SYNJ1: variants seen among roughly 807,000 people sequenced by gnomAD.
SYNJ1 encodes the protein synaptojanin 1.
Under a neutral mutation model 168.2 loss-of-function variants are expected in SYNJ1, and 78 were observed. The ratio of observed to expected loss-of-function variants is 0.46; its 90% confidence interval spans 0.39 to 0.56. The LOEUF (loss-of-function observed/expected upper bound fraction) is 0.56, where lower values mean the gene tolerates loss of function less well. Among genes scored for constraint, SYNJ1 ranks in the 20% least tolerant of loss-of-function variants. The probability of loss-of-function intolerance (pLI) is 0.00; values close to 1 mark genes in which losing one functional copy is unlikely to be tolerated. For synonymous variants in SYNJ1, 539 were observed against 548.6 expected (o/e 0.98, Z 0.24); for missense variants, 1,303 against 1,597.6 (o/e 0.82, Z 3.14).
At chr21:32,727,188 G>A (rs148572756) in intron 1 of SYNJ1, among the ~76,000 whole-genome samples, 197 of 152,296 alleles carry the variant, frequency 1.3e-3, no homozygotes, top group African/African-American at 4.6e-3. Flanking sequence ...TGAGTTTCCC[G>A]TTTAATTTAT....
chr21:32,678,859 C>T, intron 11 of SYNJ1, 58 bp from the exon 12 acceptor site: 1 of 1,565,262 alleles, frequency 6.4e-7, no homozygotes. Flanking sequence ...ACTGATTTTA[C>T]TCATTAGGTT....
intron 23 of SYNJ1, 89 bp from the exon 24 acceptor site, chr21:32,646,691 A>G: frequency 1.1e-6 from 1 of 936,436 alleles, no homozygotes; most frequent in Non-Finnish European, 1.7e-6. Context: ...GTTAAAATAC[A>G]CAAAACAAAT....
Position 32,642,150 on chromosome 21 carries a change from G to A in SYNJ1, c.3479-17C>T, listed in dbSNP as rs2039870066. 3 of 1,606,684 alleles carry A rather than the reference G, an allele frequency of 1.9e-6. No homozygotes were observed. Among genetic ancestry groups the A allele is most frequent in the Admixed American group, 3.4e-5 (2 of 59,352 alleles). ...TTTTGGGTGCTTTGAAGCAAGAAGG[G>A]AAAAAAAAATTAGTTGTAAGTTAAC... On this transcript the variant is annotated splice_polypyrimidine_tract_variant and intron_variant, in intron 27 of 32. Coordinates refer to ENST00000674351, the MANE Select transcript of SYNJ1 (RefSeq NM_203446.3).
chr21:32,673,196 T>G, intron 14 of SYNJ1, 144 bp downstream of exon 14: 1 of 576,980 alleles, frequency 1.7e-6, no homozygotes, highest in Non-Finnish European at 2.7e-6. Flanking sequence ...AGATGTGATC[T>G]TTAAAGATGT....
In SYNJ1 at chr21:32,691,780, A is replaced by G. The variant is rs557564028; in HGVS notation, c.789+2448T>C. The stretch of plus-strand genomic sequence containing the variant: ...GGCAACCTCTCTATGAAGCATCATT[A>G]TATCTTTGAATCTCTCATAGCACCT... On this transcript the variant is annotated intron_variant, in intron 6 of 32. Coordinates refer to ENST00000674351, the MANE Select transcript of SYNJ1 (RefSeq NM_203446.3). Among the ~76,000 whole-genome samples, 8 of 152,330 alleles carry G rather than the reference A, an allele frequency of 5.3e-5. No homozygotes were observed. In the East Asian group the frequency reaches 1.5e-3, roughly 29 times the overall value.
chr21:32,641,198 TC>T (rs1463327739), intron 29 of SYNJ1, among the ~76,000 whole-genome samples: 1 of 152,218 alleles, frequency 6.6e-6, no homozygotes, highest in Non-Finnish European at 1.5e-5. Flanking sequence ...TTCCTACTCT[TC>T]AGATATGGGC....
At chr21:32,708,992 G>A (rs1303705580) in intron 2 of SYNJ1, among the ~76,000 whole-genome samples, 1 of 152,134 alleles carries the variant, frequency 6.6e-6, no homozygotes, top group African/African-American at 2.4e-5. Flanking sequence ...TGTAACAGGT[G>A]AGGGATAACC....
rs945005892 is a variant in SYNJ1, at chr21:32,628,871, T to C, written c.*2934A>G. The C allele has an allele frequency of 2.6e-5, 4 of 152,612 alleles. No individual in the cohort carries two copies. The highest frequency in any genetic ancestry group is 9.6e-5 in the African/African-American group (4 of 41,454). The allele number at this position is 152,612 out of a possible 1,614,324, so 9.5% of individuals were successfully genotyped here. On this transcript the variant is annotated 3_prime_UTR_variant, in exon 33 of 33. Transcript: ENST00000674351. ...TGTACTTCTATAAAGTTTATAGTTA[T>C]AAATATTGTATGCCACATAAGCAAT... is the stretch of plus-strand genomic sequence containing the variant.
upstream of SYNJ1, chr21:32,728,024 GC>G: frequency 6.5e-7 from 1 of 1,535,504 alleles, no homozygotes; most frequent in Non-Finnish European, 8.7e-7. Flanking sequence ...GCTCCAGCAG[GC>G]CCATCTCTTC....
At chr21:32,719,781 T>C (rs956558074) in intron 2 of SYNJ1, among the ~76,000 whole-genome samples, 1 of 150,810 alleles carries the variant, frequency 6.6e-6, no homozygotes, top group African/African-American at 2.4e-5. Flanking sequence ...CACACACATC[T>C]CATTAGTAAA....
intron 18 of SYNJ1, chr21:32,658,558 C>T (rs2040553039): frequency 6.6e-6 from 1 of 152,266 alleles, no homozygotes; most frequent in Admixed American, 6.5e-5. Flanking sequence ...AAGGCTGTCG[C>T]ACTGACCCCC....
At chr21:32,710,092 A>G (rs2042773293) in intron 2 of SYNJ1, among the ~76,000 whole-genome samples, 1 of 152,030 alleles carries the variant, frequency 6.6e-6, no homozygotes, top group South Asian at 2.1e-4. Context: ...AATCCCAGCT[A>G]CTTGGAAGGC....
rs2039857400 is a variant in SYNJ1, at chr21:32,641,937, G to C, written c.3547C>G (p.Leu1183Val). 1.2e-6 allele frequency: 2 copies of C among 1,613,930 alleles called. No individual in the cohort carries two copies. Among genetic ancestry groups the C allele is most frequent in the Non-Finnish European group, 1.7e-6 (2 of 1,179,916 alleles). Residue 1183 changes from leucine to valine, a missense_variant, in exon 29 of 33, where the codon CTT becomes GTT. Leu to Val is a conservative substitution (Grantham distance 32). This residue lies in a region of SYNJ1 where 383 missense variants were observed against 388.8 expected (regional missense o/e 0.99). Transcript: ENST00000674351. ...GRSQPSPQAG[L>V]AGPGPAGYST... is the part of the protein sequence containing the mutation. The stretch of plus-strand genomic sequence containing the variant: ...TATCCAGCAGGTCCTGGGCCTGCAA[G>C]TCCTGCTTGAGGTGAAGGCTGACTG...
chr21:32,681,479 G>C lies in SYNJ1; in HGVS notation c.1353+17C>G. 1 of 1,593,544 alleles carries C rather than the reference G, an allele frequency of 6.3e-7. No homozygotes were observed. ...AAAAGAGGATATTCTGTAATGTTAT[G>C]ATAGATCTAGATATACCTTCGCTTT... is the stretch of plus-strand genomic sequence containing the variant. On this transcript the variant is annotated intron_variant, in intron 11 of 32. Transcript: ENST00000674351.
At chr21:32,660,608 C>T (rs112429339) in intron 18 of SYNJ1, among the ~76,000 whole-genome samples, 6 of 152,354 alleles carry the variant, frequency 3.9e-5, no homozygotes, top group Admixed American at 3.3e-4. Flanking sequence ...GCAGGATATG[C>T]GGTGGTAACT....
At chr21:32,643,087 T>C (rs2039912010) in intron 27 of SYNJ1, among the ~76,000 whole-genome samples, 1 of 152,182 alleles carries the variant, frequency 6.6e-6, no homozygotes, top group African/African-American at 2.4e-5. Flanking sequence ...TTCTAAATAT[T>C]TTACTTATTC....
In SYNJ1 at chr21:32,644,962, G is replaced by A. The variant is rs1167788403; in HGVS notation, c.3430+6C>T. On this transcript the variant is annotated splice_donor_region_variant and intron_variant, in intron 26 of 32. Transcript: ENST00000674351. ...TTCACACATGCTAACAAATGTAAAT[G>A]GTTACCTCCAAATTCCTTTCTAGTG... 1 of 1,606,446 alleles carries A rather than the reference G, an allele frequency of 6.2e-7. No homozygotes were observed. Among genetic ancestry groups the A allele is most frequent in the Non-Finnish European group, 8.5e-7 (1 of 1,177,354 alleles).
chr21:32,689,944 C>A (rs988414133), intron 6 of SYNJ1, among the ~76,000 whole-genome samples: 14 of 152,230 alleles, frequency 9.2e-5, no homozygotes, highest in Non-Finnish European at 1.3e-4. Context: ...GCAGAAAACT[C>A]ACAAGTTGAT....
At chr21:32,688,669 T>C (rs1247252912) in intron 6 of SYNJ1, among the ~76,000 whole-genome samples, 8 of 152,226 alleles carry the variant, frequency 5.3e-5, no homozygotes, top group Admixed American at 3.3e-4. Flanking sequence ...TATGGTACTT[T>C]GTTTTAAGTT....
Sources: gnomAD v4.1 joint callset for allele counts (sites outside exome capture counted in the v4.1 genomes callset) on GRCh38, gnomAD v4.1.1 for gene constraint, gnomAD v4.1.1 regional missense constraint, MANE v1.5 for transcripts, NCBI Gene and HGNC (gene_info 2026-07-23, HGNC 2026-07-21) for gene names.